The following MRTFB variants were observed in gnomAD, a reference collection of about 807,000 sequenced individuals.
MRTFB encodes myocardin related transcription factor B.
A neutral mutation model predicts 104.2 loss-of-function variants in MRTFB; 29 were observed. That is an observed-to-expected ratio of 0.28 (90% CI 0.21 to 0.38). The LOEUF is 0.38. Among genes scored for constraint, MRTFB ranks in the 10% least tolerant of loss-of-function variants. MRTFB has a pLI of 1.00. For missense variants in MRTFB, 1,270 were observed against 1,341.6 expected (o/e 0.95, Z 0.83); for synonymous variants, 535 against 519.5 (o/e 1.03, Z -0.41).
At chr16:14,192,214 A>G (rs1240899826) in intron 3 of MRTFB, among the ~76,000 whole-genome samples, 1 of 152,018 alleles carries the variant, frequency 6.6e-6, no homozygotes, top group Non-Finnish European at 1.5e-5. Flanking sequence ...TCTACAAAAA[A>G]AAAAAAAATA....
chr16:14,177,933 T>TGTGC lies in MRTFB; in HGVS notation c.155-32309_155-32306dup, dbSNP rs1203512098. Among the ~76,000 whole-genome samples the TGTGC allele has an allele frequency of 4.0e-5, 6 of 151,608 alleles. No homozygotes were observed. Among genetic ancestry groups the TGTGC allele is most frequent in the Non-Finnish European group, 5.9e-5 (4 of 67,964 alleles). On this transcript the variant is annotated intron_variant, in intron 3 of 16. Transcript: ENST00000571589. The surrounding 1 kb of genome is among the most constrained non-coding windows in gnomAD (Gnocchi z 4.7). ...GTGTGTGTGTGTGTGTGTGTGTGTG[T>TGTGC]GTGCACGCATTGGTGGGTGTTTAGA...
the MRTFB span, among the ~76,000 whole-genome samples, chr16:13,995,179 C>G: frequency 6.6e-6 from 1 of 152,182 alleles, no homozygotes; most frequent in Non-Finnish European, 1.5e-5. Flanking sequence ...AGATGTCCCC[C>G]AGTAAGGAGG....
chr16:14,237,123 A>AGAGAGGT (rs1265093620), intron 9 of MRTFB, among the ~76,000 whole-genome samples: 1 of 152,146 alleles, frequency 6.6e-6, no homozygotes, highest in Non-Finnish European at 1.5e-5. Flanking sequence ...ATGAGTGCAG[A>AGAGAGGT]CCTTAGGAGA....
intron 3 of MRTFB, among the ~76,000 whole-genome samples, chr16:14,150,397 G>A (rs2038554867): frequency 6.6e-6 from 1 of 152,150 alleles, no homozygotes; most frequent in Admixed American, 6.6e-5. Flanking sequence ...AAAAATCCAT[G>A]TATAACTTTT....
chr16:14,064,398 T>C, the MRTFB span, among the ~76,000 whole-genome samples: 1 of 152,224 alleles, frequency 6.6e-6, no homozygotes, highest in Admixed American at 6.5e-5. Flanking sequence ...TTTGCAAATA[T>C]TTTCTCCCAT....
intron 11 of MRTFB, 44 bp from the exon 12 acceptor site, chr16:14,246,429 A>G: frequency 6.3e-7 from 1 of 1,588,044 alleles, no homozygotes; most frequent in Non-Finnish European, 8.6e-7. Context: ...TAGATTTGCC[A>G]GAAAGCTCTA....
the MRTFB span, among the ~76,000 whole-genome samples, chr16:14,045,457 G>C: frequency 1.3e-5 from 2 of 152,198 alleles, no homozygotes; most frequent in African/African-American, 4.8e-5. Flanking sequence ...GTGACTCAGA[G>C]AGTGAAGCCA....
chr16:14,190,100 T>C (rs2040110424), intron 3 of MRTFB, among the ~76,000 whole-genome samples: 2 of 152,196 alleles, frequency 1.3e-5, no homozygotes, highest in African/African-American at 2.4e-5. Flanking sequence ...ATCTCACAGC[T>C]TTGTTGATGC....
chr16:14,255,228 G>A (rs1300229734), intron 15 of MRTFB, among the ~76,000 whole-genome samples: 1 of 152,110 alleles, frequency 6.6e-6, no homozygotes, highest in Non-Finnish European at 1.5e-5. Context: ...GAACTGAAGA[G>A]GCAAATATTT....
the MRTFB span, among the ~76,000 whole-genome samples, chr16:14,031,943 G>A: frequency 6.6e-6 from 1 of 152,188 alleles, no homozygotes; most frequent in Non-Finnish European, 1.5e-5. Flanking sequence ...AAATAGCTTG[G>A]ATTACAGGCC....
the MRTFB span, among the ~76,000 whole-genome samples, chr16:14,011,032 G>A: frequency 1.3e-5 from 2 of 152,186 alleles, no homozygotes; most frequent in African/African-American, 4.8e-5. Flanking sequence ...GGTGAAGATG[G>A]CCTGGCCTGG....
Position 14,247,444 on chromosome 16 carries a change from A to C in MRTFB, c.2184A>C (p.Pro728=). ...LTTQTAQLLL[P]VSIQGSSVTS... is the part of the protein sequence containing the mutation. ...CGCAGACTGCTCAGCTGCTGCTCCC[A>C]GTGTCCATCCAGGGCTCGAGTGTCA... The change falls in exon 12 of 17, where the codon CCA becomes CCC. Residue 728 remains proline (P), a synonymous_variant. Coordinates refer to ENST00000571589, the MANE Select transcript of MRTFB (RefSeq NM_001308142.2). 1 of 1,604,336 alleles carries C rather than the reference A, an allele frequency of 6.2e-7. No homozygotes were observed. Among genetic ancestry groups the C allele is most frequent in the South Asian group, 1.1e-5 (1 of 90,250 alleles).
chr16:14,253,409 A>G (rs1245218248), intron 15 of MRTFB, among the ~76,000 whole-genome samples: 2 of 152,188 alleles, frequency 1.3e-5, no homozygotes, highest in Non-Finnish European at 2.9e-5. Context: ...ACATCAGTGC[A>G]GTTGTACCAG....
chr16:14,116,234 T>C (rs1055405848), intron 2 of MRTFB, among the ~76,000 whole-genome samples: 1 of 152,166 alleles, frequency 6.6e-6, no homozygotes, highest in Non-Finnish European at 1.5e-5. Context: ...GTACCTTCTG[T>C]CTGAAATAGC....
chr16:14,030,152 T>C, the MRTFB span, among the ~76,000 whole-genome samples: 1 of 152,138 alleles, frequency 6.6e-6, no homozygotes, highest in East Asian at 1.9e-4. Context: ...CTCAGTTTTC[T>C]GGGTCTCACA....
intron 15 of MRTFB, among the ~76,000 whole-genome samples, chr16:14,255,128 G>T (rs1324764205): frequency 6.6e-6 from 1 of 152,230 alleles, no homozygotes; most frequent in Non-Finnish European, 1.5e-5. Context: ...AACAGAGATT[G>T]TGAAGTGAAC....
intron 12 of MRTFB, chr16:14,248,283 A>C (rs1172387058): frequency 6.6e-6 from 1 of 152,308 alleles, no homozygotes; most frequent in Non-Finnish European, 1.5e-5. Flanking sequence ...CGACACCCAA[A>C]TACCTGAAAC....
intron 3 of MRTFB, among the ~76,000 whole-genome samples, chr16:14,202,027 A>T (rs558092275): frequency 4.6e-5 from 7 of 152,020 alleles, no homozygotes; most frequent in East Asian, 3.9e-4. Context: ...AGTTTTTAAG[A>T]TTATTTGTTT....
the MRTFB span, among the ~76,000 whole-genome samples, chr16:14,047,398 T>C: frequency 1.2e-4 from 18 of 152,308 alleles, no homozygotes; most frequent in East Asian, 3.5e-3. Flanking sequence ...TAACAGGCAG[T>C]GATAGCCAAT....
Sources: allele counts gnomAD v4.1 joint callset (sites outside exome capture counted in the v4.1 genomes callset), GRCh38; gene constraint gnomAD v4.1.1; non-coding constraint Gnocchi (gnomAD v3.1); transcripts MANE v1.5; gene names NCBI Gene and HGNC (gene_info 2026-07-23, HGNC 2026-07-21).